ADAM23: variants seen among roughly 807,000 people sequenced by gnomAD.
ADAM23 encodes the protein ADAM metallopeptidase domain 23, also known as disintegrin and metalloproteinase domain-containing protein 23.
Under a neutral mutation model 120.1 loss-of-function variants are expected in ADAM23, and 33 were observed. The observed-to-expected ratio is 0.27, with a 90% CI of 0.21 to 0.37. The LOEUF (loss-of-function observed/expected upper bound fraction) is 0.37. ADAM23 is among the 10% of genes least tolerant of loss of function. ADAM23 has a pLI of 1.00. For synonymous variants in ADAM23, 367 were observed against 375.2 expected (o/e 0.98, Z 0.25); for missense variants, 862 against 1,058.2 (o/e 0.81, Z 2.57).
chr2:206,573,291 AT>A (rs527626454), intron 18 of ADAM23, 96 bp downstream of exon 18: 22 of 1,253,994 alleles, frequency 1.8e-5, no homozygotes, highest in Non-Finnish European at 2.6e-5. Context: ...CAGATTTAAG[AT>A]TTTTTGGATT....
intron 25 of ADAM23, among the ~76,000 whole-genome samples, chr2:206,613,959 G>A (rs979755256): frequency 6.6e-6 from 1 of 152,170 alleles, no homozygotes; most frequent in Non-Finnish European, 1.5e-5. Flanking sequence ...TAGTGACATG[G>A]TTTGTTGAAA....
intron 15 of ADAM23, 48 bp from the exon 16 acceptor site, chr2:206,570,692 T>C: frequency 6.7e-7 from 1 of 1,494,618 alleles, no homozygotes; most frequent in African/African-American, 1.4e-5. Context: ...GTGCTGATTT[T>C]CTGTGATAAA....
intron 9 of ADAM23, among the ~76,000 whole-genome samples, chr2:206,556,820 C>T (rs1697653171): frequency 6.6e-6 from 1 of 152,116 alleles, no homozygotes; most frequent in Admixed American, 6.5e-5. Flanking sequence ...AAAGGATATA[C>T]TAAATGCCTG....
intron 3 of ADAM23, among the ~76,000 whole-genome samples, chr2:206,524,191 G>T (rs528212264): frequency 6.6e-6 from 1 of 152,252 alleles, no homozygotes; most frequent in South Asian, 2.1e-4. Context: ...TCTACTGTTT[G>T]TTTAACTTCT....
chr2:206,534,978 G>A (rs1280153280), intron 4 of ADAM23, among the ~76,000 whole-genome samples: 6 of 148,912 alleles, frequency 4.0e-5, no homozygotes, highest in Non-Finnish European at 8.9e-5. Context: ...TTTTTTTGTA[G>A]GATCTACCTT....
chr2:206,499,321 G>T (rs7596383), intron 3 of ADAM23, among the ~76,000 whole-genome samples: 105,575 of 151,190 alleles, frequency 0.7, 37,305 homozygotes, highest in African/African-American at 0.79. Context: ...CCATAAAAAA[G>T]GATGAGTTCA....
chr2:206,481,378 G>A, intron 3 of ADAM23, 70 bp downstream of exon 3: 1 of 1,167,852 alleles, frequency 8.6e-7, no homozygotes, highest in Non-Finnish European at 1.2e-6. Context: ...TATCGGTTTA[G>A]TCAAAATAAT....
intron 25 of ADAM23, among the ~76,000 whole-genome samples, chr2:206,614,032 G>C (rs150541721): frequency 6.6e-6 from 1 of 152,192 alleles, no homozygotes; most frequent in Non-Finnish European, 1.5e-5. Flanking sequence ...TAACACCTCA[G>C]TCTGTAGAAC....
intron 2 of ADAM23, among the ~76,000 whole-genome samples, chr2:206,471,140 C>T (rs952613000): frequency 6.6e-6 from 1 of 152,124 alleles, no homozygotes; most frequent in Non-Finnish European, 1.5e-5. Flanking sequence ...TCTGCTCAGC[C>T]TTCTTTGATT....
rs372053925 is a variant in ADAM23, at chr2:206,484,470, T to G, written c.509+3162T>G. Among the ~76,000 whole-genome samples, 6 of 152,318 alleles carry G rather than the reference T, an allele frequency of 3.9e-5. No individual in the cohort carries two copies. The East Asian group carries it at 9.6e-4, about 24-fold the overall frequency. ...TTTAAAAATTGGAGTGCTTTGTCACTGCAGAGTGTGAATGAAGGAGGCAGA... is the reference window on the plus strand; with the variant it reads ...TTTAAAAATTGGAGTGCTTTGTCACGGCAGAGTGTGAATGAAGGAGGCAGA... On this transcript the variant is annotated intron_variant, in intron 3 of 25. Coordinates refer to ENST00000264377, the MANE Select transcript of ADAM23 (RefSeq NM_003812.4).
chr2:206,466,783 T>C (rs1405153098), intron 2 of ADAM23, among the ~76,000 whole-genome samples: 1 of 152,220 alleles, frequency 6.6e-6, no homozygotes, highest in African/African-American at 2.4e-5. Flanking sequence ...CTAAATCTCA[T>C]GACAGCTCAC....
chr2:206,594,060 G>C lies in ADAM23; in HGVS notation c.2079-677G>C, dbSNP rs1471126605. ...CACAGTTTGCAGTACAGTATAATAT[G>C]CTATACAGAAGTGTAGCCCAGGAGC... On this transcript the variant is annotated intron_variant, in intron 22 of 25. Transcript: ENST00000264377. 1.3e-5 allele frequency among the ~76,000 whole-genome samples: 2 copies of C among 151,794 alleles called. 1 individual carries two copies. Among genetic ancestry groups the C allele is most frequent in the South Asian group, 4.2e-4 (2 of 4,794 alleles).
intron 24 of ADAM23, 33 bp from the exon 25 acceptor site, chr2:206,609,877 A>G (rs761308532): frequency 6.3e-7 from 1 of 1,575,740 alleles, no homozygotes; most frequent in Non-Finnish European, 8.6e-7. Flanking sequence ...TGGTTGGTTC[A>G]TATGACTCTC....
intron 6 of ADAM23, 123 bp from the exon 7 acceptor site, chr2:206,547,306 G>T: frequency 3.0e-6 from 2 of 667,326 alleles, no homozygotes; most frequent in Admixed American, 3.3e-5. Context: ...ACTTTTGATA[G>T]CTAAAAAACT....
chr2:206,519,874 C>T (rs928864704), intron 3 of ADAM23, among the ~76,000 whole-genome samples: 2 of 151,918 alleles, frequency 1.3e-5, no homozygotes, highest in Admixed American at 1.3e-4. Flanking sequence ...ATAAGCCACT[C>T]ATGGTGGCAC....
At chr2:206,600,669 C>A (rs539916425) in intron 24 of ADAM23, among the ~76,000 whole-genome samples, 29 of 152,220 alleles carry the variant, frequency 1.9e-4, no homozygotes, top group African/African-American at 6.7e-4. Context: ...GGAAATTCAA[C>A]CTCTCCTGTG....
intron 24 of ADAM23, among the ~76,000 whole-genome samples, chr2:206,604,322 A>T (rs773741187): frequency 6.6e-6 from 1 of 152,216 alleles, no homozygotes; most frequent in Non-Finnish European, 1.5e-5. Context: ...TTAATTTAGT[A>T]TTCTGAAAGC....
intron 21 of ADAM23, among the ~76,000 whole-genome samples, chr2:206,591,102 C>T (rs943100767): frequency 2.6e-5 from 4 of 152,038 alleles, no homozygotes; most frequent in Non-Finnish European, 4.4e-5. Context: ...GAGGCTGAGG[C>T]GAGTGGATCG....
Position 206,443,810 on chromosome 2 carries a change from G to A in ADAM23, c.-57G>A. ...GACCGGCTCCGCCCGCGGCCGCCCC[G>A]CAGCTAGCCCGGCGCTCTCGCCGGC... On this transcript the variant is annotated 5_prime_UTR_variant, in exon 1 of 26. Transcript: ENST00000264377. 1.0e-6 allele frequency: 1 copy of A among 994,556 alleles called. No individual in the cohort carries two copies. Among genetic ancestry groups the A allele is most frequent in the Non-Finnish European group, 1.2e-6 (1 of 827,734 alleles). 61.6% of individuals were successfully genotyped at this position (994,556 alleles called of 1,614,324 possible). A position where few individuals can be genotyped will look rare whatever the true frequency, so the allele number is the denominator to read the frequency against.
Sources: allele counts gnomAD v4.1 joint callset (sites outside exome capture counted in the v4.1 genomes callset), GRCh38; gene constraint gnomAD v4.1.1; transcripts MANE v1.5; gene names NCBI Gene and HGNC (gene_info 2026-07-23, HGNC 2026-07-21).